The following CNTN1 variants were observed in gnomAD, a reference collection of about 807,000 sequenced individuals.
The protein encoded by CNTN1 is contactin 1, also known as contactin-1.
A neutral mutation model predicts 126.4 loss-of-function variants in CNTN1; 38 were observed. The ratio of observed to expected loss-of-function variants is 0.30; its 90% CI spans 0.23 to 0.39. The LOEUF (loss-of-function observed/expected upper bound fraction) is 0.39. Among genes scored for constraint, CNTN1 ranks in the 10% least tolerant of loss-of-function variants. The probability of loss-of-function intolerance (pLI) is 1.00; values close to 1 mark genes in which losing one functional copy is unlikely to be tolerated. For synonymous variants in CNTN1, 413 were observed against 422.6 expected (o/e 0.98, Z 0.28); for missense variants, 1,009 against 1,248.4 (o/e 0.81, Z 2.89).
At chr12:41,061,959 GAAAT>G (rs1949946992) in intron 23 of CNTN1, 2 of 228,324 alleles carry the variant, frequency 8.8e-6, no homozygotes, top group African/African-American at 4.7e-5. Flanking sequence ...TAGGCAAAGG[GAAAT>G]AAAATCATCA....
intron 1 of CNTN1, among the ~76,000 whole-genome samples, chr12:40,825,787 C>T (rs1941596700): frequency 6.6e-6 from 1 of 152,090 alleles, no homozygotes; most frequent in Non-Finnish European, 1.5e-5. Flanking sequence ...TATTTCTCTA[C>T]TTTGCTGGGT....
intron 4 of CNTN1, among the ~76,000 whole-genome samples, chr12:40,920,305 G>A (rs73275675): frequency 1.1e-3 from 167 of 150,244 alleles, no homozygotes; most frequent in African/African-American, 4.0e-3. Flanking sequence ...CTGCCCCCAT[G>A]CCCCCACCCC....
At chr12:40,702,465 A>T (rs959682204) in intron 1 of CNTN1, among the ~76,000 whole-genome samples, 1 of 151,978 alleles carries the variant, frequency 6.6e-6, no homozygotes, top group Non-Finnish European at 1.5e-5. Context: ...TCTCTTTGAG[A>T]CAGCGTTTCG....
intron 23 of CNTN1, among the ~76,000 whole-genome samples, chr12:41,046,718 G>T (rs1183209305): frequency 6.6e-6 from 1 of 151,558 alleles, no homozygotes; most frequent in East Asian, 1.9e-4. Flanking sequence ...CTTTAATTTT[G>T]ATTTTAAATA....
intron 1 of CNTN1, among the ~76,000 whole-genome samples, chr12:40,703,537 G>A (rs1180703701): frequency 1.3e-5 from 2 of 152,208 alleles, no homozygotes; most frequent in Non-Finnish European, 2.9e-5. Flanking sequence ...TGGAAGTTAA[G>A]TTTGCTATAT....
At chr12:41,037,818 T>A (rs1949300030) in intron 23 of CNTN1, among the ~76,000 whole-genome samples, 1 of 152,126 alleles carries the variant, frequency 6.6e-6, no homozygotes, top group South Asian at 2.1e-4. Context: ...GTTCTATTTA[T>A]TTGCCTGGCT....
intron 1 of CNTN1, among the ~76,000 whole-genome samples, chr12:40,780,668 C>T (rs1439843066): frequency 8.2e-6 from 1 of 121,484 alleles, no homozygotes; most frequent in East Asian, 2.4e-4. Context: ...CTGGGCAACA[C>T]AGTGAGATTC....
At chr12:40,749,664 C>A (rs1327148000) in intron 1 of CNTN1, among the ~76,000 whole-genome samples, 1 of 126,376 alleles carries the variant, frequency 7.9e-6, no homozygotes, top group East Asian at 2.2e-4. Context: ...CTTGAAACCA[C>A]TCAGGCAACC....
At chr12:40,796,290 C>G (rs1324073959) in intron 1 of CNTN1, among the ~76,000 whole-genome samples, 2 of 152,008 alleles carry the variant, frequency 1.3e-5, no homozygotes, top group Admixed American at 6.6e-5. Flanking sequence ...TATTTCAAAA[C>G]CTCCATTAAC....
chr12:40,737,347 ATATG>A (rs1301764199), intron 1 of CNTN1, among the ~76,000 whole-genome samples: 2 of 42,282 alleles, frequency 4.7e-5, no homozygotes, highest in African/African-American at 1.4e-4. Flanking sequence ...GTGTGTGTAT[ATATG>A]TGTGTGTGTA....
intron 23 of CNTN1, among the ~76,000 whole-genome samples, chr12:41,037,015 T>G (rs1205610003): frequency 2.0e-5 from 3 of 152,196 alleles, no homozygotes; most frequent in Admixed American, 6.5e-5. Flanking sequence ...ATAGTTCCAT[T>G]TCTGTAAAAT....
chr12:41,067,950 G>A (rs1950082140), intron 23 of CNTN1, among the ~76,000 whole-genome samples: 1 of 152,162 alleles, frequency 6.6e-6, no homozygotes, highest in South Asian at 2.1e-4. Flanking sequence ...AGAATACAAA[G>A]ATCTCTTTGA....
At chr12:40,736,982 T>G (rs1403984215) in intron 1 of CNTN1, among the ~76,000 whole-genome samples, 1 of 152,018 alleles carries the variant, frequency 6.6e-6, no homozygotes, top group African/African-American at 2.4e-5. Flanking sequence ...TTTTAAATCC[T>G]ACACGAAATC....
At chr12:40,979,712 G>T (rs1229744693) in intron 15 of CNTN1, among the ~76,000 whole-genome samples, 1 of 151,804 alleles carries the variant, frequency 6.6e-6, no homozygotes, top group African/African-American at 2.4e-5. Flanking sequence ...CCACTTAAAG[G>T]ACATTTTTCT....
rs369450437 is a variant in CNTN1, at chr12:40,964,525, A to AGTGTGTGTGTGTGTGTGTGT, written c.1804+5307_1804+5326dup. On this transcript the variant is annotated intron_variant, in intron 15 of 23. Transcript: ENST00000551295. Reference sequence around the variant, plus strand: ...TTTAGGTGAAAACACCGTGTAAGTGAGTGTGTGTGTGTGTGTGTGTGTGTG... The same window carrying AGTGTGTGTGTGTGTGTGTGT: ...TTTAGGTGAAAACACCGTGTAAGTGAGTGTGTGTGTGTGTGTGTGTGTGTGTGTGTGTGTGTGTGTGTGTG... Among the ~76,000 whole-genome samples the AGTGTGTGTGTGTGTGTGTGT allele has an allele frequency of 2.9e-5, 3 of 104,716 alleles. No individual in the cohort carries two copies. In the Admixed American group the frequency reaches 3.4e-4, roughly 12 times the overall value. The allele number at this position is 104,716 out of a possible 152,430, so 68.7% of individuals were successfully genotyped here.
intron 1 of CNTN1, among the ~76,000 whole-genome samples, chr12:40,719,090 A>T (rs1253303685): frequency 6.6e-6 from 1 of 152,192 alleles, no homozygotes; most frequent in Non-Finnish European, 1.5e-5. Context: ...AACACTGAAC[A>T]ACTGAAGTTA....
chr12:41,010,196 G>A (rs1389449716), intron 17 of CNTN1, among the ~76,000 whole-genome samples: 1 of 152,058 alleles, frequency 6.6e-6, no homozygotes, highest in Non-Finnish European at 1.5e-5. Context: ...TGTGCTGTAT[G>A]TTGGTTTGAG....
chr12:40,824,876 A>C (rs1941558964), intron 1 of CNTN1, among the ~76,000 whole-genome samples: 1 of 152,220 alleles, frequency 6.6e-6, no homozygotes, highest in Admixed American at 6.6e-5. Flanking sequence ...TAGTGGAATA[A>C]AATAAGAATA....
intron 1 of CNTN1, among the ~76,000 whole-genome samples, chr12:40,805,832 G>A (rs1940834158): frequency 1.3e-5 from 2 of 152,102 alleles, no homozygotes; most frequent in Admixed American, 1.3e-4. Context: ...TTGTTAGTGT[G>A]TGGAAGGAGA....
Sources: allele counts gnomAD v4.1 joint callset (sites outside exome capture counted in the v4.1 genomes callset), GRCh38; gene constraint gnomAD v4.1.1; transcripts MANE v1.5; gene names NCBI Gene and HGNC (gene_info 2026-07-23, HGNC 2026-07-21).